Variants in ALK observed in about 807,000 individuals in gnomAD.
ALK encodes ALK receptor tyrosine kinase, also known as ALK tyrosine kinase receptor.
A neutral mutation model predicts 163.1 loss-of-function variants in ALK; 74 were observed. The ratio of observed to expected loss-of-function variants is 0.45; its 90% CI spans 0.38 to 0.55. The LOEUF (loss-of-function observed/expected upper bound fraction) is 0.55, where lower values mean the gene tolerates loss of function less well. Ranked by LOEUF, ALK falls within the 20% of genes least tolerant of loss-of-function variation. ALK has a pLI of 0.00. For synonymous variants in ALK, 960 were observed against 843.2 expected, an observed-to-expected ratio of 1.14 and a Z score of -2.40; for missense variants, 2,063 against 2,105.3, an observed-to-expected ratio of 0.98 and a Z score of 0.39.
chr2:29,590,965 G>C (rs1178410711), intron 3 of ALK, among the ~76,000 whole-genome samples: 1 of 150,740 alleles, frequency 6.6e-6, no homozygotes, highest in Non-Finnish European at 1.5e-5. Flanking sequence ...CAGCTACTTG[G>C]GAGGCTGAGG....
chr2:29,383,976 G>T, intron 4 of ALK, 117 bp from the exon 5 acceptor site: 1 of 1,303,418 alleles, frequency 7.7e-7, no homozygotes, highest in Non-Finnish European at 1.1e-6. Context: ...TTCTTCATGG[G>T]CACCAAGAGA....
Position 29,710,791 on chromosome 2 carries a change from G to A in ALK, c.787+6787C>T, listed in dbSNP as rs369352773. 4.6e-5 allele frequency among the ~76,000 whole-genome samples: 7 copies of A among 152,068 alleles called. No individual in the cohort carries two copies. In the South Asian group the frequency reaches 8.3e-4, roughly 18 times the overall value. On this transcript the variant is annotated intron_variant, in intron 2 of 28. Transcript: ENST00000389048. ...CTTCCAAATTGCTGGGATTACAGGC[G>A]TGAGCAACTGTGCCTGGCCTCAACC...
chr2:29,760,540 T>C (rs1680671691), intron 1 of ALK, among the ~76,000 whole-genome samples: 2 of 152,162 alleles, frequency 1.3e-5, no homozygotes, highest in Admixed American at 1.3e-4. Flanking sequence ...TTCCCAGGGA[T>C]GTTTCCAGTG....
chr2:29,598,427 T>C (rs1675278796), intron 3 of ALK, among the ~76,000 whole-genome samples: 1 of 152,170 alleles, frequency 6.6e-6, no homozygotes, highest in Non-Finnish European at 1.5e-5. Flanking sequence ...GAACCCAGCA[T>C]AGAAACCTAG....
intron 13 of ALK, among the ~76,000 whole-genome samples, chr2:29,238,175 CA>C (rs780704798): frequency 1.4e-4 from 22 of 152,322 alleles, no homozygotes; most frequent in Middle Eastern, 3.4e-3. Flanking sequence ...AAAGCTGCCA[CA>C]TCCGGCAGTT....
chr2:29,204,524 C>T (rs965008231), intron 26 of ALK, among the ~76,000 whole-genome samples: 2 of 132,870 alleles, frequency 1.5e-5, no homozygotes, highest in African/African-American at 5.2e-5. Flanking sequence ...AAGAAGACCA[C>T]AGAGGTAAAG....
At chr2:29,309,468 A>G (rs1018741752) in intron 8 of ALK, among the ~76,000 whole-genome samples, 5 of 152,198 alleles carry the variant, frequency 3.3e-5, no homozygotes, top group African/African-American at 1.2e-4. Context: ...GAATGGCTCA[A>G]AGGTATTACA....
At chr2:29,329,535 A>C (rs1316677982) in intron 5 of ALK, among the ~76,000 whole-genome samples, 1 of 152,212 alleles carries the variant, frequency 6.6e-6, no homozygotes, top group Non-Finnish European at 1.5e-5. Flanking sequence ...TATCCTGGTC[A>C]TAGCTGGTGC....
At position 29,450,529 on chromosome 2, in the gene ALK, C is replaced by T. The variant is rs145036144; in HGVS notation, c.1155-66670G>A. ...AAAACAAACGCCAATATAAGGGATA[C>T]ATAGACAGAGGGTAGATAGATTAAG... On this transcript the variant is annotated intron_variant, in intron 4 of 28. Transcript: ENST00000389048. Among the ~76,000 whole-genome samples, 84 of 152,018 alleles carry T rather than the reference C, an allele frequency of 5.5e-4. No individual in the cohort carries two copies. The East Asian group carries it at 0.016, about 28-fold the overall frequency.
intron 4 of ALK, among the ~76,000 whole-genome samples, chr2:29,435,885 T>C (rs895099241): frequency 1.3e-5 from 2 of 152,178 alleles, no homozygotes; most frequent in African/African-American, 4.8e-5. Flanking sequence ...ATGGCTTTCA[T>C]AATGCTAAGA....
At position 29,324,142 on chromosome 2, in the gene ALK, C is replaced by A. The variant is rs1339221983; in HGVS notation, c.1415-3260G>T. ...TATTTCATTGGCTGGATGGCCAAAT[C>A]GCGCTGTGGGTAGGTCAATCAATCC... On this transcript the variant is annotated intron_variant, in intron 6 of 28. Transcript: ENST00000389048. Among the ~76,000 whole-genome samples the A allele has an allele frequency of 2.6e-5, 4 of 152,318 alleles. No individual in the cohort carries two copies. The East Asian group carries it at 7.7e-4, about 29-fold the overall frequency.
intron 3 of ALK, among the ~76,000 whole-genome samples, chr2:29,683,220 T>C (rs373981003): frequency 1.3e-4 from 19 of 151,806 alleles, no homozygotes; most frequent in African/African-American, 4.6e-4. Flanking sequence ...CTAATAAAAA[T>C]ACAAAAATTA....
chr2:29,318,401 T>G lies in ALK; in HGVS notation c.1550A>C (p.His517Pro), dbSNP rs367674546. Reference sequence around the variant, plus strand: ...ATCAGTGGTACTGAGCAATAGAGCATGGTCTAGGAGAGAGGAAAAGAATCA... The same window carrying G: ...ATCAGTGGTACTGAGCAATAGAGCAGGGTCTAGGAGAGAGGAAAAGAATCA... ...KDARFQDHQD[H>P]ALLLSTTDVP... The change falls in exon 8 of 29, where the codon CAT (histidine) becomes CCT (proline). Residue 517 changes from histidine (H) to proline (P), a missense_variant. His to Pro is a moderately conservative substitution (Grantham distance 77). Transcript: ENST00000389048. 1 of 1,610,584 alleles carries G rather than the reference T, an allele frequency of 6.2e-7. No individual in the cohort carries two copies. Among genetic ancestry groups the G allele is most frequent in the Non-Finnish European group, 8.5e-7 (1 of 1,176,798 alleles).
chr2:29,481,950 G>A (rs1671671384), intron 4 of ALK, among the ~76,000 whole-genome samples: 1 of 152,218 alleles, frequency 6.6e-6, no homozygotes, highest in African/African-American at 2.4e-5. Context: ...ATTGGCTGAT[G>A]TCCTGCCTTC....
At chr2:29,589,148 C>T (rs1262782888) in intron 3 of ALK, among the ~76,000 whole-genome samples, 5 of 152,152 alleles carry the variant, frequency 3.3e-5, no homozygotes. Context: ...AAGTAATTTG[C>T]TACTGATAAT....
At chr2:29,359,213 A>G (rs1668330279) in intron 5 of ALK, among the ~76,000 whole-genome samples, 1 of 152,156 alleles carries the variant, frequency 6.6e-6, no homozygotes, top group African/African-American at 2.4e-5. Context: ...CCACACACAA[A>G]CCAGCTGGGA....
chr2:29,200,335 A>C (rs1669125886), intron 26 of ALK, among the ~76,000 whole-genome samples: 1 of 152,170 alleles, frequency 6.6e-6, no homozygotes, highest in Non-Finnish European at 1.5e-5. Context: ...CACTAATAGA[A>C]CTGCACATGA....
intron 3 of ALK, among the ~76,000 whole-genome samples, chr2:29,534,196 T>C (rs1042481398): frequency 6.6e-6 from 1 of 152,078 alleles, no homozygotes; most frequent in African/African-American, 2.4e-5. Context: ...ATCAGAGTGG[T>C]GCAGCAGGAG....
intron 3 of ALK, among the ~76,000 whole-genome samples, chr2:29,623,525 A>T (rs1676100131): frequency 6.6e-6 from 1 of 152,244 alleles, no homozygotes; most frequent in South Asian, 2.1e-4. Context: ...TTCTTACAAC[A>T]ATCCTATGTG....
Sources: gnomAD v4.1 joint callset for allele counts (sites outside exome capture counted in the v4.1 genomes callset) on GRCh38, gnomAD v4.1.1 for gene constraint, MANE v1.5 for transcripts, NCBI Gene and HGNC (gene_info 2026-07-23, HGNC 2026-07-21) for gene names.